The following GDPD1 variants were observed in gnomAD, a reference collection of about 807,000 sequenced individuals.
The protein encoded by GDPD1 is glycerophosphodiester phosphodiesterase domain containing 1.
Under a neutral mutation model 45.1 loss-of-function variants are expected in GDPD1, and 28 were observed. The observed-to-expected ratio is 0.62, with a 90% CI of 0.46 to 0.85. The LOEUF is 0.85. GDPD1 is among the 40% of genes least tolerant of loss of function. The probability of loss-of-function intolerance (pLI) is 0.00; values close to 1 mark genes in which losing one functional copy is unlikely to be tolerated. For synonymous variants in GDPD1, 139 were observed against 131.4 expected (o/e 1.06, Z -0.40); for missense variants, 256 against 364.8 (o/e 0.70, Z 2.43).
At chr17:59,259,805 A>G (rs953371553) in intron 6 of GDPD1, among the ~76,000 whole-genome samples, 2 of 151,072 alleles carry the variant, frequency 1.3e-5, no homozygotes, top group African/African-American at 4.9e-5. Flanking sequence ...CACCCCTGTA[A>G]TCCCAGCACT....
Position 59,275,450 on chromosome 17 carries a change from G to A in GDPD1, c.*1677G>A. 3.5e-6 allele frequency: 1 copy of A among 284,214 alleles called. No homozygotes were observed. Among genetic ancestry groups the A allele is most frequent in the Non-Finnish European group, 6.6e-6 (1 of 150,386 alleles). 17.6% of individuals were successfully genotyped at this position (284,214 alleles called of 1,614,324 possible). On this transcript the variant is annotated 3_prime_UTR_variant, in exon 10 of 10. Coordinates refer to ENST00000284116, the MANE Select transcript of GDPD1 (RefSeq NM_182569.4). Reference sequence around the variant, plus strand: ...TGTCCATTTTTTTAAGCATTAAAAAGGAACTTACCAGTTGTAAATTAAGAC... The same window carrying A: ...TGTCCATTTTTTTAAGCATTAAAAAAGAACTTACCAGTTGTAAATTAAGAC...
chr17:59,271,298 A>C (rs1292693478), intron 8 of GDPD1, among the ~76,000 whole-genome samples: 1 of 152,198 alleles, frequency 6.6e-6, no homozygotes, highest in African/African-American at 2.4e-5. Flanking sequence ...TTAAATAACC[A>C]TTCCCTTTAG....
chr17:59,259,134 TA>T lies in GDPD1; in HGVS notation c.576+1307del, dbSNP rs1160741376. 4.7e-3 allele frequency among the ~76,000 whole-genome samples: 657 copies of T among 141,026 alleles called. 1 individual carries two copies. The highest frequency in any genetic ancestry group is 0.011 in the African/African-American group (439 of 38,676). 92.5% of individuals were successfully genotyped at this position (141,026 alleles called of 152,430 possible). ...AACATAGTAAGACTTCTAACTCTAT[TA>T]AAAAAAAAAAAATCCTGGGCACAGT... On this transcript the variant is annotated intron_variant, in intron 6 of 9. Coordinates refer to ENST00000284116, the MANE Select transcript of GDPD1 (RefSeq NM_182569.4).
chr17:59,267,674 T>G (rs893273883), intron 7 of GDPD1, among the ~76,000 whole-genome samples: 2 of 141,056 alleles, frequency 1.4e-5, no homozygotes, highest in South Asian at 4.5e-4. Flanking sequence ...TGGTTTTTTG[T>G]TTTTTTTTTT....
At chr17:59,231,236 C>A (rs945805811) in intron 1 of GDPD1, among the ~76,000 whole-genome samples, 1 of 151,920 alleles carries the variant, frequency 6.6e-6, no homozygotes, top group Non-Finnish European at 1.5e-5. Context: ...ATGCCATGTA[C>A]TTTCCCCTAA....
intron 2 of GDPD1, among the ~76,000 whole-genome samples, chr17:59,236,491 T>C (rs1006052439): frequency 1.3e-5 from 2 of 151,138 alleles, no homozygotes; most frequent in Non-Finnish European, 2.9e-5. Context: ...TTTGTTGTTG[T>C]TGTTGTTGTT....
intron 6 of GDPD1, among the ~76,000 whole-genome samples, chr17:59,266,545 A>C (rs1568351127): frequency 6.6e-6 from 1 of 152,092 alleles, no homozygotes; most frequent in Non-Finnish European, 1.5e-5. Context: ...TTCTTGGATT[A>C]GTTTACAAAT....
chr17:59,250,948 AC>A (rs1035557648), intron 4 of GDPD1, among the ~76,000 whole-genome samples: 2 of 151,088 alleles, frequency 1.3e-5, no homozygotes, highest in African/African-American at 2.4e-5. Flanking sequence ...GATTTACCTG[AC>A]CCCCCCTTGC....
chr17:59,228,170 TA>T (rs36140380), intron 1 of GDPD1, among the ~76,000 whole-genome samples: 3,258 of 91,640 alleles, frequency 0.036, 60 homozygotes, highest in Middle Eastern at 0.086. Context: ...AGACTCCATC[TA>T]AAAAAAAAAA....
intron 9 of GDPD1, 198 bp downstream of exon 9, chr17:59,273,034 T>C: frequency 8.3e-7 from 1 of 1,202,166 alleles, no homozygotes; most frequent in Non-Finnish European, 1.1e-6. Flanking sequence ...TAGATTCCTC[T>C]TATGTACAGA....
At position 59,222,505 on chromosome 17, in the gene GDPD1, C is replaced by CTTTTTTTTTTTTTTTTTTTTTTT. The variant is rs149536097; in HGVS notation, c.142+1758_142+1780dup. Among the ~76,000 whole-genome samples, 24 of 41,738 alleles carry CTTTTTTTTTTTTTTTTTTTTTTT rather than the reference C, an allele frequency of 5.8e-4. 4 individuals carry two copies. The highest frequency in any genetic ancestry group is 8.3e-4 in the South Asian group (1 of 1,204). 27.4% of individuals were successfully genotyped at this position (41,738 alleles called of 152,430 possible). ...ACAGGCGTGAGCCACAGTGCCCAGC[C>CTTTTTTTTTTTTTTTTTTTTTTT]TTTTTTTTTTTTTTTTTTTTTTTTT... On this transcript the variant is annotated intron_variant, in intron 1 of 9. Transcript: ENST00000284116.
chr17:59,227,360 A>T (rs572982053), intron 1 of GDPD1, among the ~76,000 whole-genome samples: 12 of 152,054 alleles, frequency 7.9e-5, no homozygotes, highest in Non-Finnish European at 1.6e-4. Context: ...TGGAGGTTGC[A>T]GTGAGCTGAG....
intron 2 of GDPD1, among the ~76,000 whole-genome samples, chr17:59,236,678 A>G (rs1369143360): frequency 6.6e-6 from 1 of 151,896 alleles, no homozygotes; most frequent in Non-Finnish European, 1.5e-5. Flanking sequence ...AGTTTTATCT[A>G]TTTATTTTTT....
intron 6 of GDPD1, among the ~76,000 whole-genome samples, chr17:59,265,182 T>A (rs966651075): frequency 1.3e-5 from 2 of 152,080 alleles, no homozygotes; most frequent in East Asian, 1.9e-4. Flanking sequence ...ATGTGATTTT[T>A]AAAAATATAT....
intron 1 of GDPD1, among the ~76,000 whole-genome samples, chr17:59,227,191 C>T (rs1184322780): frequency 2.6e-5 from 4 of 151,322 alleles, no homozygotes; most frequent in African/African-American, 4.9e-5. Flanking sequence ...TTTGGGAGGC[C>T]GAGGATCACC....
chr17:59,273,107 A>T, intron 9 of GDPD1: 2 of 263,700 alleles, frequency 7.6e-6, no homozygotes, highest in Non-Finnish European at 1.3e-5. Context: ...AAATATATGT[A>T]TGTATATTTC....
chr17:59,272,846 T>C lies in GDPD1; in HGVS notation c.822+10T>C. 4 of 1,614,040 alleles carry C rather than the reference T, an allele frequency of 2.5e-6. No homozygotes were observed. The highest frequency in any genetic ancestry group is 3.4e-6 in the Non-Finnish European group (4 of 1,179,914). On this transcript the variant is annotated intron_variant, in intron 9 of 9. Coordinates refer to ENST00000284116, the MANE Select transcript of GDPD1 (RefSeq NM_182569.4). ...TGCTCGAGGCATTCAAGTAAGTTTC[T>C]GGAATGATGCATTTTGGAAGCAGCA...
chr17:59,234,964 G>C (rs1396687807), intron 2 of GDPD1, among the ~76,000 whole-genome samples: 1 of 151,042 alleles, frequency 6.6e-6, no homozygotes, highest in East Asian at 1.9e-4. Flanking sequence ...GAAGCCTCAG[G>C]AGTGTTGATC....
chr17:59,263,904 C>T (rs888444392), intron 6 of GDPD1, among the ~76,000 whole-genome samples: 6 of 152,142 alleles, frequency 3.9e-5, no homozygotes, highest in South Asian at 4.1e-4. Context: ...GAAAATGTGG[C>T]GCTTAATGAC....
Sources: gnomAD v4.1 joint callset for allele counts (sites outside exome capture counted in the v4.1 genomes callset) on GRCh38, gnomAD v4.1.1 for gene constraint, MANE v1.5 for transcripts, NCBI Gene and HGNC (gene_info 2026-07-23, HGNC 2026-07-21) for gene names.